Variants in TBC1D5 observed in about 807,000 individuals in gnomAD.
The protein encoded by TBC1D5 is TBC1 domain family member 5.
A neutral mutation model predicts 100.3 loss-of-function variants in TBC1D5; 75 were observed. That is an observed-to-expected ratio of 0.75 (90% CI 0.62 to 0.91). The LOEUF is 0.91. Ranked by LOEUF, TBC1D5 falls within the 40% of genes least tolerant of loss-of-function variation. The pLI is 0.00. For missense variants in TBC1D5, 910 were observed against 942.4 expected (o/e 0.97, Z 0.45); for synonymous variants, 323 against 325.6 (o/e 0.99, Z 0.09).
At chr3:17,448,860 T>G (rs1245371361) in intron 3 of TBC1D5, among the ~76,000 whole-genome samples, 1 of 152,216 alleles carries the variant, frequency 6.6e-6, no homozygotes, top group Non-Finnish European at 1.5e-5. Flanking sequence ...CCAACTACAT[T>G]AGCCTCTAAC....
At chr3:17,292,579 T>C (rs1048560205) in intron 14 of TBC1D5, among the ~76,000 whole-genome samples, 1 of 152,208 alleles carries the variant, frequency 6.6e-6, no homozygotes, top group Admixed American at 6.5e-5. Context: ...AGTGTCATAA[T>C]TGTCATAGGT....
chr3:17,442,410 A>C (rs925450556), intron 3 of TBC1D5, among the ~76,000 whole-genome samples: 1 of 152,296 alleles, frequency 6.6e-6, no homozygotes, highest in South Asian at 2.1e-4. Context: ...GGAGAACCCC[A>C]ATTATTTTTT....
intron 2 of TBC1D5, among the ~76,000 whole-genome samples, chr3:17,596,642 G>A (rs1355324387): frequency 4.7e-5 from 7 of 148,112 alleles, no homozygotes; most frequent in Non-Finnish European, 1.0e-4. Context: ...CCCAGGAGGC[G>A]GAGGTTGCAG....
At chr3:17,616,761 T>C (rs2062200204) in intron 2 of TBC1D5, among the ~76,000 whole-genome samples, 1 of 152,188 alleles carries the variant, frequency 6.6e-6, no homozygotes. Context: ...CTCCATCCCT[T>C]TATTTTTAGC....
intron 8 of TBC1D5, among the ~76,000 whole-genome samples, chr3:17,402,219 A>G (rs532884646): frequency 6.6e-6 from 1 of 152,266 alleles, no homozygotes; most frequent in Admixed American, 6.6e-5. Context: ...ATTATTCAGT[A>G]TTTATAACTT....
chr3:17,506,378 CTGCATG>C (rs1242119988), intron 3 of TBC1D5, among the ~76,000 whole-genome samples: 1 of 152,122 alleles, frequency 6.6e-6, no homozygotes. Flanking sequence ...ATCTTTCTTT[CTGCATG>C]TGCATGTGCG....
At chr3:17,318,144 C>A (rs538806133) in intron 13 of TBC1D5, among the ~76,000 whole-genome samples, 4 of 148,968 alleles carry the variant, frequency 2.7e-5, no homozygotes, top group Admixed American at 6.8e-5. Flanking sequence ...ACCAAACACC[C>A]CATATTCTCA....
intron 13 of TBC1D5, chr3:17,333,434 C>G (rs1294183138): frequency 6.6e-6 from 1 of 152,090 alleles, no homozygotes; most frequent in East Asian, 1.9e-4. Context: ...AGCTGTAATA[C>G]AGTGTTGATG....
intron 19 of TBC1D5, among the ~76,000 whole-genome samples, chr3:17,175,776 C>T (rs149195743): frequency 1.3e-5 from 2 of 152,248 alleles, no homozygotes; most frequent in Non-Finnish European, 2.9e-5. Context: ...CATTTCAGGC[C>T]ATAAAGGTTT....
chr3:17,472,407 G>A (rs529949520), intron 3 of TBC1D5, among the ~76,000 whole-genome samples: 29 of 152,220 alleles, frequency 1.9e-4, no homozygotes, highest in East Asian at 3.9e-4. Flanking sequence ...CAAAGTGCGC[G>A]AGTCACTGCG....
intron 1 of TBC1D5, among the ~76,000 whole-genome samples, chr3:17,659,531 TA>T (rs1293896296): frequency 6.6e-6 from 1 of 152,148 alleles, no homozygotes; most frequent in African/African-American, 2.4e-5. Flanking sequence ...CTATTTAATT[TA>T]AAACTACTTT....
chr3:17,547,387 A>G (rs1406606891), intron 2 of TBC1D5, among the ~76,000 whole-genome samples: 2 of 152,120 alleles, frequency 1.3e-5, no homozygotes, highest in Non-Finnish European at 2.9e-5. Context: ...CTTACCTCCT[A>G]CTGTTACCAT....
chr3:17,693,711 G>A lies in TBC1D5; in HGVS notation c.-101+45632C>T, dbSNP rs534423563. On this transcript the variant is annotated intron_variant, in intron 1 of 21. Transcript: ENST00000253692. ...GCAGATTTAAACGTCCCTGTCTGAC[G>A]GCTCTGAAGAGAGCAGTGGTTCTCC... Among the ~76,000 whole-genome samples the A allele has an allele frequency of 6.6e-5, 10 of 152,332 alleles. No homozygotes were observed. The South Asian group carries it at 1.5e-3, about 22-fold the overall frequency.
chr3:17,626,802 T>C (rs1468997608), intron 1 of TBC1D5, among the ~76,000 whole-genome samples: 3 of 152,140 alleles, frequency 2.0e-5, no homozygotes, highest in Non-Finnish European at 4.4e-5. Flanking sequence ...ATTCTCAGTA[T>C]GTTGGGACCA....
At chr3:17,422,339 G>GATTTTTT (rs2094228369) in intron 4 of TBC1D5, among the ~76,000 whole-genome samples, 1 of 147,884 alleles carries the variant, frequency 6.8e-6, no homozygotes, top group African/African-American at 2.5e-5. Flanking sequence ...GGCTAATTTT[G>GATTTTTT]TTTTTTGTTT....
At chr3:17,471,670 C>CAAAAAAAAAAAAAAA (rs753132440) in intron 3 of TBC1D5, among the ~76,000 whole-genome samples, 1 of 22,286 alleles carries the variant, frequency 4.5e-5, no homozygotes, top group Non-Finnish European at 9.3e-5. Flanking sequence ...GACTCCGTCT[C>CAAAAAAAAAAAAAAA]AAAAAAAAAA....
chr3:17,612,103 C>T (rs961359741), intron 2 of TBC1D5, among the ~76,000 whole-genome samples: 4 of 151,906 alleles, frequency 2.6e-5, no homozygotes, highest in Admixed American at 1.3e-4. Context: ...AGTAGGAGAC[C>T]AGCCTGGGTA....
chr3:17,364,319 C>T (rs1432063488), intron 13 of TBC1D5, among the ~76,000 whole-genome samples: 1 of 152,054 alleles, frequency 6.6e-6, no homozygotes, highest in Non-Finnish European at 1.5e-5. Flanking sequence ...TCCATCTTCT[C>T]ATGTACTCAA....
At chr3:17,741,800 A>ATTTTTT (rs779385615), upstream of TBC1D5, among the ~76,000 whole-genome samples, 10 of 47,960 alleles carry the variant, frequency 2.1e-4, no homozygotes, top group Non-Finnish European at 3.0e-4. Flanking sequence ...CTCCCTGCGA[A>ATTTTTT]TTTTTTTTTT....
Sources: allele counts gnomAD v4.1 joint callset (sites outside exome capture counted in the v4.1 genomes callset), GRCh38; gene constraint gnomAD v4.1.1; transcripts MANE v1.5; gene names NCBI Gene and HGNC (gene_info 2026-07-23, HGNC 2026-07-21).